Variants in GALM observed in about 807,000 individuals in gnomAD.
GALM encodes aldose 1-epimerase.
GALM carries 43 observed loss-of-function variants against 37.4 expected under a neutral mutation model. The ratio of observed to expected loss-of-function variants is 1.15; its 90% CI spans 0.90 to 1.48. The LOEUF (loss-of-function observed/expected upper bound fraction) is 1.48. Ranked by LOEUF, GALM falls within the 40% of genes most tolerant of loss-of-function variation. The pLI is 0.00. For missense variants in GALM, 456 were observed against 419.1 expected (o/e 1.09, Z -0.77); for synonymous variants, 199 against 170.6 (o/e 1.17, Z -1.30).
chr2:38,675,991 G>A lies in GALM; in HGVS notation c.270G>A (p.Val90=), dbSNP rs1665250965. The change falls in exon 2 of 7, where the codon GTG becomes GTA. Residue 90 remains valine, a synonymous_variant. Coordinates refer to ENST00000272252, the MANE Select transcript of GALM (RefSeq NM_138801.3). ...ANRIAKGTFK[V]DGKEYHLAIN... ...GAATCGCCAAAGGAACCTTCAAGGT[G>A]GATGGGAAGGAGTATCACCTGGCCA... 6.2e-7 allele frequency: 1 copy of A among 1,614,076 alleles called. No individual in the cohort carries two copies. The highest frequency in any genetic ancestry group is 1.3e-5 in the African/African-American group (1 of 75,036).
At chr2:38,686,927 GA>G (rs1217632888) in intron 3 of GALM, among the ~76,000 whole-genome samples, 2 of 152,152 alleles carry the variant, frequency 1.3e-5, no homozygotes, top group Admixed American at 1.3e-4. Flanking sequence ...TTGTGCACAG[GA>G]AGTATGGAGG....
intron 4 of GALM, among the ~76,000 whole-genome samples, chr2:38,696,433 C>CTTTTTTTTTTTT (rs35556554): frequency 7.3e-6 from 1 of 136,548 alleles, no homozygotes; most frequent in African/African-American, 2.7e-5. Flanking sequence ...TTTTTCTTTT[C>CTTTTTTTTTTTT]TTTTTTTTTT....
At position 38,734,012 on chromosome 2, in the gene GALM, T is replaced by C; in HGVS notation, c.*447T>C. ...AATGTCACATTAGCCTCACCCTGCATGCTAGGAGATGGACCTGTCTCTATA... is the reference window on the plus strand; with the variant it reads ...AATGTCACATTAGCCTCACCCTGCACGCTAGGAGATGGACCTGTCTCTATA... On this transcript the variant is annotated 3_prime_UTR_variant, in exon 7 of 7. Transcript: ENST00000272252. 4.1e-6 allele frequency: 1 copy of C among 246,506 alleles called. No individual in the cohort carries two copies. The highest frequency in any genetic ancestry group is 8.1e-6 in the Non-Finnish European group (1 of 123,568). The allele number at this position is 246,506 out of a possible 1,614,324, so 15.3% of individuals were successfully genotyped here. A position where few individuals can be genotyped will look rare whatever the true frequency, so the allele number is the denominator to read the frequency against.
At chr2:38,704,360 C>A (rs1375984239) in intron 4 of GALM, among the ~76,000 whole-genome samples, 1 of 151,964 alleles carries the variant, frequency 6.6e-6, no homozygotes, top group Non-Finnish European at 1.5e-5. Context: ...CCATCATGCT[C>A]AGCTAATTTA....
chr2:38,683,138 AAG>A (rs1419206003), intron 3 of GALM, among the ~76,000 whole-genome samples: 1 of 152,206 alleles, frequency 6.6e-6, no homozygotes, highest in Non-Finnish European at 1.5e-5. Context: ...TAGAAATAAA[AAG>A]AGAAATTATG....
chr2:38,694,862 A>G (rs1352354069), intron 4 of GALM, among the ~76,000 whole-genome samples: 1 of 138,510 alleles, frequency 7.2e-6, no homozygotes, highest in African/African-American at 2.7e-5. Context: ...GGGCCACTAC[A>G]CTCCAGCCTG....
In GALM at chr2:38,695,674, TTTGTTTGTTTGC is replaced by T. The variant is rs371741957; in HGVS notation, c.634+5803_634+5814del. ...AAATCCTTGTTTATGTGTGTGTGGT[TTTGTTTGTTTGC>T]TTGTTTGTTTGCTTGTTTGTTTTTT... On this transcript the variant is annotated intron_variant, in intron 4 of 6. Coordinates refer to ENST00000272252, the MANE Select transcript of GALM (RefSeq NM_138801.3). Among the ~76,000 whole-genome samples the T allele has an allele frequency of 7.3e-3, 1,115 of 152,252 alleles. 18 individuals are homozygous for T. Among genetic ancestry groups the T allele is most frequent in the African/African-American group, 0.024 (1,012 of 41,566 alleles).
chr2:38,675,537 TTTTTTTTGTGTGTGTG>T (rs1185891082), intron 1 of GALM, among the ~76,000 whole-genome samples: 6 of 90,066 alleles, frequency 6.7e-5, no homozygotes, highest in African/African-American at 2.6e-4. Context: ...TTTTTTTTTT[TTTTTTTTGTGTGTGTG>T]TGTGTGTGTG....
chr2:38,682,132 G>A, intron 3 of GALM: 1 of 259,570 alleles, frequency 3.9e-6, no homozygotes, highest in South Asian at 3.9e-5. Flanking sequence ...CCAGCAGAGG[G>A]ATAAACCCCA....
At chr2:38,680,659 A>G (rs1665372720) in intron 2 of GALM, among the ~76,000 whole-genome samples, 1 of 152,078 alleles carries the variant, frequency 6.6e-6, no homozygotes, top group Admixed American at 6.6e-5. Flanking sequence ...GTTTTTTTTA[A>G]TACTCTCAGC....
chr2:38,667,176 G>C (rs1664965532), intron 1 of GALM, among the ~76,000 whole-genome samples: 1 of 152,130 alleles, frequency 6.6e-6, no homozygotes, highest in Admixed American at 6.5e-5. Flanking sequence ...GGTGTAACTA[G>C]ACAGAAAATG....
rs1666652608 is a variant in GALM at position 38,733,739 on chromosome 2, C to G, written c.*174C>G. 5 of 617,704 alleles carry G rather than the reference C, an allele frequency of 8.1e-6. No individual in the cohort carries two copies. Among genetic ancestry groups the G allele is most frequent in the Non-Finnish European group, 1.2e-5 (4 of 337,146 alleles). The allele number at this position is 617,704 out of a possible 1,614,324, so 38.3% of individuals were successfully genotyped here. A position where few individuals can be genotyped will look rare whatever the true frequency, so the allele number is the denominator to read the frequency against. On this transcript the variant is annotated 3_prime_UTR_variant, in exon 7 of 7. Coordinates refer to ENST00000272252, the MANE Select transcript of GALM (RefSeq NM_138801.3). ...TGATTTCCTTTTCCAGTGACTGGCT[C>G]CAGGCCATGTCTAATGACCAGCTCG...
chr2:38,730,047 T>G (rs1476541282), intron 5 of GALM, among the ~76,000 whole-genome samples: 2 of 152,216 alleles, frequency 1.3e-5, no homozygotes, highest in African/African-American at 4.8e-5. Flanking sequence ...CTGTGACTTA[T>G]GCCTGCCTAC....
Position 38,734,107 on chromosome 2 carries a change from A to C in GALM, c.*542A>C, listed in dbSNP as rs2148461983. 6.2e-6 allele frequency: 1 copy of C among 162,064 alleles called. No homozygotes were observed. The highest frequency in any genetic ancestry group is 2.4e-5 in the African/African-American group (1 of 41,758). 10.0% of individuals were successfully genotyped at this position (162,064 alleles called of 1,614,324 possible). A position where few individuals can be genotyped will look rare whatever the true frequency, so the allele number is the denominator to read the frequency against. On this transcript the variant is annotated 3_prime_UTR_variant, in exon 7 of 7. Transcript: ENST00000272252. ...GTTGAAGACCAACAAGCTAATAAATAAAAAGTTGAGGCCGGGCACGGTGGC... is the reference window on the plus strand; with the variant it reads ...GTTGAAGACCAACAAGCTAATAAATCAAAAGTTGAGGCCGGGCACGGTGGC...
intron 4 of GALM, among the ~76,000 whole-genome samples, chr2:38,709,478 T>G (rs1249685541): frequency 3.3e-5 from 5 of 151,722 alleles, no homozygotes; most frequent in African/African-American, 1.2e-4. Flanking sequence ...ATGCTTCGGA[T>G]GTCATCTAAC....
chr2:38,677,743 C>A (rs368658066), intron 2 of GALM, among the ~76,000 whole-genome samples: 9 of 152,314 alleles, frequency 5.9e-5, no homozygotes, highest in African/African-American at 2.2e-4. Context: ...TGAGCCCCTT[C>A]TGTGAAGCAG....
intron 6 of GALM, among the ~76,000 whole-genome samples, chr2:38,732,925 A>G (rs1166427518): frequency 6.6e-6 from 1 of 151,098 alleles, no homozygotes; most frequent in African/African-American, 2.4e-5. Context: ...TCTTTAAAAA[A>G]AAAAAAAAAA....
intron 1 of GALM, chr2:38,669,088 A>T (rs1171964846): frequency 1.3e-5 from 2 of 152,184 alleles, no homozygotes; most frequent in Non-Finnish European, 2.9e-5. Flanking sequence ...AAAATTATAT[A>T]AATTTTTAGT....
chr2:38,715,956 A>C (rs1395124716), intron 4 of GALM, among the ~76,000 whole-genome samples: 1 of 152,238 alleles, frequency 6.6e-6, no homozygotes, highest in East Asian at 1.9e-4. Context: ...AGCAGCCTCC[A>C]CAAATTTATA....
Sources: gnomAD v4.1 joint callset for allele counts (sites outside exome capture counted in the v4.1 genomes callset) on GRCh38, gnomAD v4.1.1 for gene constraint, MANE v1.5 for transcripts, NCBI Gene and HGNC (gene_info 2026-07-23, HGNC 2026-07-21) for gene names.